The following GNA14 variants were observed in gnomAD, a reference collection of about 807,000 sequenced individuals.
GNA14 encodes the protein guanine nucleotide-binding protein subunit alpha-14.
Under a neutral mutation model 42.0 loss-of-function variants are expected in GNA14, and 50 were observed. The observed-to-expected ratio is 1.19, with a 90% confidence interval of 0.95 to 1.51. The LOEUF is 1.51. Ranked by LOEUF, GNA14 falls within the 40% of genes most tolerant of loss-of-function variation. The pLI, the probability that GNA14 is intolerant of heterozygous loss-of-function variation, is 0.00. For missense variants in GNA14, 473 were observed against 446.2 expected (o/e 1.06, Z -0.54); for synonymous variants, 173 against 163.1 (o/e 1.06, Z -0.46).
At chr9:77,443,768 G>A (rs997040053) in intron 2 of GNA14, among the ~76,000 whole-genome samples, 1 of 152,170 alleles carries the variant, frequency 6.6e-6, no homozygotes, top group Non-Finnish European at 1.5e-5. Flanking sequence ...AAAGCCAGAA[G>A]TTCGAGACCA....
intron 2 of GNA14, chr9:77,517,465 TATC>T (rs2131756248): frequency 6.6e-6 from 1 of 151,606 alleles, no homozygotes; most frequent in East Asian, 1.9e-4. Context: ...AAAAAAGAGG[TATC>T]ATCAGCAGGA....
At chr9:77,647,042 C>A (rs972897034) in intron 1 of GNA14, among the ~76,000 whole-genome samples, 61 of 152,332 alleles carry the variant, frequency 4.0e-4, no homozygotes, top group African/African-American at 1.4e-3. Context: ...GGGAGGCAGG[C>A]ATAGGAGCTC....
At chr9:77,453,312 G>A (rs1011221079) in intron 2 of GNA14, among the ~76,000 whole-genome samples, 1 of 152,086 alleles carries the variant, frequency 6.6e-6, no homozygotes, top group Admixed American at 6.6e-5. Flanking sequence ...CCAGAACTGT[G>A]AGCAGTAAAC....
At chr9:77,564,318 A>AT (rs1003939798) in intron 1 of GNA14, among the ~76,000 whole-genome samples, 18 of 141,834 alleles carry the variant, frequency 1.3e-4, no homozygotes, top group African/African-American at 4.5e-4. Context: ...AAAAAAACTT[A>AT]TTTTTAAGAG....
chr9:77,469,842 T>C (rs1836298364), intron 2 of GNA14, among the ~76,000 whole-genome samples: 2 of 152,188 alleles, frequency 1.3e-5, no homozygotes, highest in Admixed American at 6.5e-5. Context: ...CAAACCTGTA[T>C]TGAATACCTA....
chr9:77,630,111 T>G (rs537805014), intron 1 of GNA14, among the ~76,000 whole-genome samples: 19 of 129,482 alleles, frequency 1.5e-4, no homozygotes, highest in African/African-American at 7.0e-4. Context: ...GTTTGTTTTT[T>G]GTTTTTTTTT....
chr9:77,516,712 T>A (rs1049957719), intron 2 of GNA14, among the ~76,000 whole-genome samples: 1 of 125,818 alleles, frequency 7.9e-6, no homozygotes, highest in Non-Finnish European at 1.6e-5. Context: ...GGCAAAAGAG[T>A]GAGACCCCAT....
At chr9:77,459,250 A>G (rs914516312) in intron 2 of GNA14, among the ~76,000 whole-genome samples, 2 of 55,824 alleles carry the variant, frequency 3.6e-5, no homozygotes, top group Non-Finnish European at 7.1e-5. Context: ...AAAAAAAAGA[A>G]AAAAAAGAAA....
chr9:77,535,068 A>C (rs564553677), intron 1 of GNA14, among the ~76,000 whole-genome samples: 5 of 152,272 alleles, frequency 3.3e-5, no homozygotes, highest in African/African-American at 9.6e-5. Flanking sequence ...TTCCTTTTGT[A>C]ATCTTTAGGA....
chr9:77,624,649 A>G (rs1181411134), intron 1 of GNA14, among the ~76,000 whole-genome samples: 3 of 152,194 alleles, frequency 2.0e-5, no homozygotes, highest in Non-Finnish European at 4.4e-5. Flanking sequence ...GTGGACCTCC[A>G]GCAAACTCCA....
chr9:77,444,692 C>T (rs1384020268), intron 2 of GNA14, among the ~76,000 whole-genome samples: 1 of 152,238 alleles, frequency 6.6e-6, no homozygotes, highest in Admixed American at 6.5e-5. Context: ...GGTTCAGTCC[C>T]CATCATAAGC....
chr9:77,608,925 C>T (rs4621884), intron 1 of GNA14, among the ~76,000 whole-genome samples: 13,285 of 152,070 alleles, frequency 0.087, 1,932 homozygotes, highest in African/African-American at 0.3. Flanking sequence ...AATAGCTGAT[C>T]AAATCCTTCA....
chr9:77,507,575 C>T (rs1002799045), intron 2 of GNA14, among the ~76,000 whole-genome samples: 2 of 152,178 alleles, frequency 1.3e-5, no homozygotes, highest in African/African-American at 4.8e-5. Flanking sequence ...GTATTTCCCT[C>T]TGTTTTCATT....
At position 77,539,044 on chromosome 9, in the gene GNA14, T is replaced by C. The variant is rs939604001; in HGVS notation, c.125-9791A>G. Among the ~76,000 whole-genome samples the C allele has an allele frequency of 3.9e-5, 6 of 152,214 alleles. No individual in the cohort carries two copies. In the East Asian group the frequency reaches 5.8e-4, roughly 15 times the overall value. On this transcript the variant is annotated intron_variant, in intron 1 of 6. Transcript: ENST00000341700. ...GCTCTGGCTAGGACTTCCAGTACTA[T>C]GTTGAATAGGAGTGGTGAAAGTGGG...
At chr9:77,613,066 A>G (rs1703501664) in intron 1 of GNA14, among the ~76,000 whole-genome samples, 1 of 152,214 alleles carries the variant, frequency 6.6e-6, no homozygotes, top group Non-Finnish European at 1.5e-5. Context: ...CATTTTGCAC[A>G]ACTGGATGGA....
intron 2 of GNA14, among the ~76,000 whole-genome samples, chr9:77,518,593 G>A (rs868833408): frequency 3.9e-5 from 6 of 152,228 alleles, no homozygotes; most frequent in African/African-American, 1.2e-4. Flanking sequence ...CTAACTTAGA[G>A]GCACTCAAAA....
chr9:77,450,759 G>C (rs1028060040), intron 2 of GNA14, among the ~76,000 whole-genome samples: 1 of 151,890 alleles, frequency 6.6e-6, no homozygotes, highest in East Asian at 1.9e-4. Flanking sequence ...ATCTTGAACT[G>C]TAGCTCCCTT....
intron 1 of GNA14, among the ~76,000 whole-genome samples, chr9:77,632,610 C>A (rs140656826): frequency 9.8e-4 from 149 of 152,296 alleles, no homozygotes; most frequent in Middle Eastern, 3.4e-3. Flanking sequence ...GGCTGTGACT[C>A]CCTTTGGGGC....
At chr9:77,601,188 GTTTT>G (rs1004380484) in intron 1 of GNA14, among the ~76,000 whole-genome samples, 2 of 152,030 alleles carry the variant, frequency 1.3e-5, no homozygotes, top group African/African-American at 4.8e-5. Flanking sequence ...TGTTGTTTTT[GTTTT>G]TTTGTTTTCT....
Sources: gnomAD v4.1 joint callset for allele counts (sites outside exome capture counted in the v4.1 genomes callset) on GRCh38, gnomAD v4.1.1 for gene constraint, MANE v1.5 for transcripts, NCBI Gene and HGNC (gene_info 2026-07-23, HGNC 2026-07-21) for gene names.